The following KHDC1 variants were observed in gnomAD, a reference collection of about 807,000 sequenced individuals.
KHDC1 encodes the protein KH homology domain-containing protein 1.
Under a neutral mutation model 24.7 loss-of-function variants are expected in KHDC1, and 21 were observed. The observed-to-expected ratio is 0.85, with a 90% confidence interval of 0.60 to 1.23. The LOEUF is 1.23. Ranked by LOEUF, KHDC1 falls within the 50% of genes most tolerant of loss-of-function variation. The pLI, the probability that KHDC1 is intolerant of heterozygous loss-of-function variation, is 0.00. For missense variants in KHDC1, 274 were observed against 298.5 expected (o/e 0.92, Z 0.61); for synonymous variants, 98 against 111.7 (o/e 0.88, Z 0.77).
chr6:73,241,943 C>G, intron 4 of KHDC1, 112 bp downstream of exon 3: 1 of 1,229,144 alleles, frequency 8.1e-7, no homozygotes, highest in Non-Finnish European at 1.1e-6. Flanking sequence ...CTCTGGGAAG[C>G]ACTTGGATTC....
intron 2 of KHDC1, among the ~76,000 whole-genome samples, chr6:73,283,641 C>CT (rs35786607): frequency 0.011 from 1,490 of 134,066 alleles, 24 homozygotes; most frequent in African/African-American, 0.025. Context: ...GGTTTTCATT[C>CT]TTTTTTTTTT....
chr6:73,267,814 A>G (rs573847748), intron 2 of KHDC1, among the ~76,000 whole-genome samples: 11 of 152,022 alleles, frequency 7.2e-5, no homozygotes, highest in Non-Finnish European at 1.6e-4. Flanking sequence ...AATATGATTT[A>G]GACATACAAC....
At chr6:73,304,433 G>A (rs779777225) in intron 1 of KHDC1, among the ~76,000 whole-genome samples, 1 of 152,128 alleles carries the variant, frequency 6.6e-6, no homozygotes, top group Non-Finnish European at 1.5e-5. Flanking sequence ...AAGACTGAGA[G>A]CCATGAATGG....
chr6:73,292,792 G>T, intron 1 of KHDC1: 2 of 714,014 alleles, frequency 2.8e-6, no homozygotes, highest in Non-Finnish European at 5.3e-6. Flanking sequence ...TTACTCAACA[G>T]GAGTCTTACA....
chr6:73,254,117 C>A (rs1457283424), intron 2 of KHDC1, among the ~76,000 whole-genome samples: 3 of 152,020 alleles, frequency 2.0e-5, no homozygotes, highest in African/African-American at 4.8e-5. Flanking sequence ...TAGGCATGGA[C>A]TAAGGAGGGC....
rs1220993554 is a variant in KHDC1 at position 73,309,795 on chromosome 6, G to A, written c.-81C>T. On this transcript the variant is annotated 5_prime_UTR_variant, in exon 1 of 5. Coordinates refer to ENST00000370384, the Ensembl canonical transcript of KHDC1. The stretch of plus-strand genomic sequence containing the variant: ...CCTCCCGCCACCGCAGAGCCCGCCG[G>A]CGGGAAGAGACCAGACACCGACGGA... 5 of 1,484,932 alleles carry A rather than the reference G, an allele frequency of 3.4e-6. No homozygotes were observed. In the African/African-American group the frequency reaches 5.7e-5, roughly 17 times the overall value. 92.0% of individuals were successfully genotyped at this position (1,484,932 alleles called of 1,614,324 possible). A position where few individuals can be genotyped will look rare whatever the true frequency, so the allele number is the denominator to read the frequency against.
At chr6:73,268,627 A>G (rs1473304850) in intron 2 of KHDC1, 1 of 152,314 alleles carries the variant, frequency 6.6e-6, no homozygotes, top group Non-Finnish European at 1.5e-5. Flanking sequence ...GATTAACCAG[A>G]TACAGAGTGT....
chr6:73,291,924 A>T (rs1348623150), intron 2 of KHDC1: 1 of 1,529,720 alleles, frequency 6.5e-7, no homozygotes, highest in Non-Finnish European at 8.9e-7. Context: ...ATTTTTAAAA[A>T]TTTAATTCTC....
intron 2 of KHDC1, among the ~76,000 whole-genome samples, chr6:73,247,527 C>T (rs1766689335): frequency 1.3e-5 from 2 of 152,260 alleles, no homozygotes; most frequent in East Asian, 1.9e-4. Flanking sequence ...CTCAGCTGAG[C>T]CCCTTTCTGT....
intron 1 of KHDC1, chr6:73,300,160 C>G (rs1469096895): frequency 6.6e-6 from 1 of 152,444 alleles, no homozygotes; most frequent in Non-Finnish European, 1.5e-5. Context: ...ACACCTGCTA[C>G]ATGGAAGGTG....
At chr6:73,292,802 AC>A (rs1210640722) in intron 1 of KHDC1, 1 of 707,810 alleles carries the variant, frequency 1.4e-6, no homozygotes, top group Non-Finnish European at 2.7e-6. Flanking sequence ...GGAGTCTTAC[AC>A]ATATAAAGAC....
chr6:73,285,520 G>A (rs1033921853), intron 2 of KHDC1, among the ~76,000 whole-genome samples: 2 of 152,026 alleles, frequency 1.3e-5, no homozygotes, highest in African/African-American at 4.8e-5. Flanking sequence ...TTTTAGTAGA[G>A]ACAGGGTTTC....
rs368269816 is a variant in KHDC1 at position 73,241,675 on chromosome 6, C to T, written c.568G>A (p.Val190Ile). ...TATGGTGGCACACTAATGGAGGTGA[C>T]CAGGTCATCGTTGGTCAGAGGCTGG... Residue 190 changes from valine to isoleucine, a missense_variant, in exon 5 of 5, where the codon GTC (valine) becomes ATC (isoleucine). Transcript: ENST00000370384. The T allele has an allele frequency of 2.5e-6, 4 of 1,614,036 alleles. No individual in the cohort carries two copies. The African/African-American group carries it at 4.0e-5, about 16-fold the overall frequency.
chr6:73,285,549 G>T (rs1221203153), intron 2 of KHDC1, among the ~76,000 whole-genome samples: 1 of 152,016 alleles, frequency 6.6e-6, no homozygotes, highest in Non-Finnish European at 1.5e-5. Flanking sequence ...GGCCAGGCTG[G>T]TCTCAAACTC....
At chr6:73,293,215 C>T (rs1767689620) in intron 1 of KHDC1, 1 of 685,246 alleles carries the variant, frequency 1.5e-6, no homozygotes, top group Non-Finnish European at 2.8e-6. Context: ...TGAGAAGAAA[C>T]TTAATGACAA....
intron 2 of KHDC1, among the ~76,000 whole-genome samples, chr6:73,254,164 T>C (rs1179000394): frequency 6.6e-6 from 1 of 151,626 alleles, no homozygotes; most frequent in Non-Finnish European, 1.5e-5. Flanking sequence ...AGATAATAAA[T>C]ATAAAAAGAT....
intron 2 of KHDC1, among the ~76,000 whole-genome samples, chr6:73,251,369 G>A (rs1478548454): frequency 1.3e-5 from 2 of 152,110 alleles, no homozygotes; most frequent in Non-Finnish European, 2.9e-5. Flanking sequence ...TATCAAACCT[G>A]AGAAAATACA....
chr6:73,307,456 A>AAT (rs1554228322), intron 1 of KHDC1, among the ~76,000 whole-genome samples: 1 of 152,006 alleles, frequency 6.6e-6, no homozygotes. Context: ...AATTAATTAA[A>AAT]TAAAATCATT....
At chr6:73,255,894 C>T (rs1403319036) in intron 2 of KHDC1, among the ~76,000 whole-genome samples, 1 of 144,520 alleles carries the variant, frequency 6.9e-6, no homozygotes, top group African/African-American at 2.6e-5. Flanking sequence ...AGAGTGAGAA[C>T]CTGTCTCAAC....
Sources: allele counts gnomAD v4.1 joint callset (sites outside exome capture counted in the v4.1 genomes callset), GRCh38; gene constraint gnomAD v4.1.1; transcripts MANE v1.5; gene names NCBI Gene and HGNC (gene_info 2026-07-23, HGNC 2026-07-21).